The following CALN1 variants were observed in gnomAD, a reference collection of about 807,000 sequenced individuals.
The protein encoded by CALN1 is calcium-binding protein 8.
CALN1 carries 17 observed loss-of-function variants against 30.6 expected under a neutral mutation model. The ratio of observed to expected loss-of-function variants is 0.56; its 90% CI spans 0.38 to 0.83. CALN1 has a LOEUF of 0.83. Ranked by LOEUF, CALN1 falls within the 40% of genes least tolerant of loss-of-function variation. The pLI, the probability that CALN1 is intolerant of heterozygous loss-of-function variation, is 0.00. For synonymous variants in CALN1, 156 were observed against 131.4 expected, an observed-to-expected ratio of 1.19 and a Z score of -1.28; for missense variants, 291 against 354.9, an observed-to-expected ratio of 0.82 and a Z score of 1.45.
At chr7:72,424,371 A>G (rs1399506755) in intron 1 of CALN1, among the ~76,000 whole-genome samples, 1 of 152,144 alleles carries the variant, frequency 6.6e-6, no homozygotes, top group East Asian at 1.9e-4. Context: ...GGGCTTTTAC[A>G]TTTTAAAATT....
Position 71,811,625 on chromosome 7 carries a change from G to A in CALN1, c.502-1133C>T, listed in dbSNP as rs958099579. 3.3e-5 allele frequency among the ~76,000 whole-genome samples: 5 copies of A among 151,660 alleles called. No homozygotes were observed. In the South Asian group the frequency reaches 1.0e-3, roughly 32 times the overall value. On this transcript the variant is annotated intron_variant, in intron 5 of 6. Coordinates refer to ENST00000395275, the MANE Select transcript of CALN1 (RefSeq NM_031468.4). The stretch of plus-strand genomic sequence containing the variant: ...TCCTGCCCCTCCCCGAGAGAGGACT[G>A]TACTTTTCCACTCCATTTATATTAG...
At chr7:72,027,530 G>C (rs1801142276) in intron 4 of CALN1, among the ~76,000 whole-genome samples, 1 of 151,922 alleles carries the variant, frequency 6.6e-6, no homozygotes, top group Non-Finnish European at 1.5e-5. Flanking sequence ...GGGCAACATG[G>C]TGAAACCCCA....
intron 2 of CALN1, among the ~76,000 whole-genome samples, chr7:72,392,587 C>T (rs534069715): frequency 6.6e-6 from 1 of 152,264 alleles, no homozygotes; most frequent in Admixed American, 6.5e-5. Context: ...CTGTCTCATA[C>T]GGTCTGCTAA....
At chr7:72,273,438 C>G (rs576058722) in intron 3 of CALN1, among the ~76,000 whole-genome samples, 1 of 128,248 alleles carries the variant, frequency 7.8e-6, no homozygotes, top group East Asian at 2.3e-4. Flanking sequence ...AAAAAAAAAG[C>G]GGCGGGCGGG....
chr7:72,271,112 C>A (rs1421349779), intron 3 of CALN1, among the ~76,000 whole-genome samples: 4 of 152,156 alleles, frequency 2.6e-5, no homozygotes, highest in Non-Finnish European at 5.9e-5. Flanking sequence ...GGAAAAATCC[C>A]AGAGGAGAGG....
chr7:72,182,150 C>A (rs181569816), intron 3 of CALN1, among the ~76,000 whole-genome samples: 1 of 152,194 alleles, frequency 6.6e-6, no homozygotes, highest in East Asian at 1.9e-4. Context: ...CCTAGAATGC[C>A]GCTGGTCTCA....
intron 4 of CALN1, among the ~76,000 whole-genome samples, chr7:72,075,528 C>T (rs1274172011): frequency 6.6e-6 from 1 of 152,234 alleles, no homozygotes; most frequent in Non-Finnish European, 1.5e-5. Context: ...CCTTACTCTA[C>T]AGCCTACCCT....
At chr7:71,905,805 C>T (rs1487114101) in intron 5 of CALN1, among the ~76,000 whole-genome samples, 2 of 152,092 alleles carry the variant, frequency 1.3e-5, no homozygotes, top group Non-Finnish European at 2.9e-5. Context: ...TGTTCTCACA[C>T]TGCCATAAAG....
intron 1 of CALN1, among the ~76,000 whole-genome samples, chr7:72,420,719 G>A (rs577580521): frequency 6.6e-6 from 1 of 151,390 alleles, no homozygotes; most frequent in African/African-American, 2.4e-5. Flanking sequence ...CGCCTCCCGG[G>A]TTCACGCCAT....
chr7:71,883,089 A>G (rs1351647067), intron 5 of CALN1, among the ~76,000 whole-genome samples: 2 of 151,928 alleles, frequency 1.3e-5, no homozygotes, highest in East Asian at 2.0e-4. Context: ...CCTCTATCAC[A>G]TGAAATACTA....
At chr7:72,162,472 A>G (rs1359238388) in intron 3 of CALN1, among the ~76,000 whole-genome samples, 1 of 152,048 alleles carries the variant, frequency 6.6e-6, no homozygotes, top group Non-Finnish European at 1.5e-5. Flanking sequence ...GGTGGCTCAT[A>G]GCTGTGGTCC....
chr7:72,328,974 G>A (rs1442850787), intron 2 of CALN1, among the ~76,000 whole-genome samples: 1 of 152,248 alleles, frequency 6.6e-6, no homozygotes, highest in Non-Finnish European at 1.5e-5. Context: ...TGGGATTACA[G>A]GCGTAAGCCA....
chr7:72,117,598 CAA>C (rs1563073272), intron 3 of CALN1, among the ~76,000 whole-genome samples: 1 of 152,068 alleles, frequency 6.6e-6, no homozygotes, highest in Non-Finnish European at 1.5e-5. Flanking sequence ...CCCTTTGGCC[CAA>C]ACTGGGGTCT....
intron 2 of CALN1, among the ~76,000 whole-genome samples, chr7:72,384,511 G>A (rs1805089332): frequency 1.3e-5 from 2 of 152,116 alleles, no homozygotes; most frequent in Non-Finnish European, 2.9e-5. Context: ...TTGTGTGCCT[G>A]TAATCCCAGC....
chr7:72,110,355 T>G (rs1807478847), intron 3 of CALN1, among the ~76,000 whole-genome samples: 1 of 152,198 alleles, frequency 6.6e-6, no homozygotes, highest in Non-Finnish European at 1.5e-5. Context: ...AGACCATAGA[T>G]GGAGGTCACT....
intron 2 of CALN1, among the ~76,000 whole-genome samples, chr7:72,393,450 CAAG>C (rs1805711570): frequency 6.6e-6 from 1 of 152,038 alleles, no homozygotes; most frequent in Non-Finnish European, 1.5e-5. Flanking sequence ...GGAGAGAGAG[CAAG>C]ACTCCGTCTC....
intron 2 of CALN1, among the ~76,000 whole-genome samples, chr7:72,397,308 T>C (rs553489752): frequency 3.3e-5 from 5 of 152,130 alleles, no homozygotes; most frequent in Non-Finnish European, 7.4e-5. Flanking sequence ...CAGGTTGCAG[T>C]GTAAGCACCC....
upstream of CALN1, among the ~76,000 whole-genome samples, chr7:72,447,880 C>T (rs1005408269): frequency 2.6e-5 from 4 of 151,710 alleles, no homozygotes; most frequent in African/African-American, 9.7e-5. Context: ...CATGCCTGCC[C>T]ATACCACACA....
chr7:72,369,359 T>TTTGTTGTTGTTGTTG (rs1554390883), intron 2 of CALN1, among the ~76,000 whole-genome samples: 184 of 146,714 alleles, frequency 1.3e-3, no homozygotes, highest in African/African-American at 4.4e-3. Flanking sequence ...TATTTATTTT[T>TTTGTTGTTGTTGTTG]TTGTTGTTGT....
Sources: allele counts gnomAD v4.1 joint callset (sites outside exome capture counted in the v4.1 genomes callset), GRCh38; gene constraint gnomAD v4.1.1; transcripts MANE v1.5; gene names NCBI Gene and HGNC (gene_info 2026-07-23, HGNC 2026-07-21).